Variants in RARS2 observed in about 807,000 individuals in gnomAD.
RARS2 encodes arginyl-tRNA synthetase 2, mitochondrial.
A neutral mutation model predicts 88.5 loss-of-function variants in RARS2; 67 were observed. That is an observed-to-expected ratio of 0.76 (90% CI 0.62 to 0.93). The LOEUF is 0.93. Among genes scored for constraint, RARS2 ranks in the 40% least tolerant of loss-of-function variants. The probability of loss-of-function intolerance (pLI) is 0.00; values close to 1 mark genes in which losing one functional copy is unlikely to be tolerated. For missense variants in RARS2, 664 were observed against 684.2 expected, an observed-to-expected ratio of 0.97 and a Z score of 0.33; for synonymous variants, 239 against 230.3, an observed-to-expected ratio of 1.04 and a Z score of -0.34.
At chr6:87,555,100 A>AAAATAAATAAATAAATAAATAAAT in intron 5 of RARS2, among the ~76,000 whole-genome samples, 1 of 139,580 alleles carries the variant, frequency 7.2e-6, no homozygotes, top group South Asian at 2.3e-4. Flanking sequence ...CTCCGTCTCA[A>AAAATAAATAAATAAATAAATAAAT]AAATAAATAA....
chr6:87,520,101 G>A lies in RARS2; in HGVS notation c.1112+79C>T, dbSNP rs1773341840. The A allele has an allele frequency of 3.9e-5, 46 of 1,179,290 alleles. 1 individual carries two copies. The South Asian group carries it at 4.6e-4, about 12-fold the overall frequency. The allele number at this position is 1,179,290 out of a possible 1,614,324, so 73.1% of individuals were successfully genotyped here. ...CTTGAAACAAAGAATTGAAATCTGA[G>A]TGAAAAACTTTAACCACTAGGTACA... On this transcript the variant is annotated intron_variant, in intron 13 of 19. Coordinates refer to ENST00000369536, the MANE Select transcript of RARS2 (RefSeq NM_020320.5).
At chr6:87,551,746 C>T (rs1032008219) in intron 5 of RARS2, among the ~76,000 whole-genome samples, 4 of 152,002 alleles carry the variant, frequency 2.6e-5, no homozygotes, top group African/African-American at 9.7e-5. Flanking sequence ...CTACCCTGAC[C>T]TCCACAATTC....
rs776038353 is a variant in RARS2 at position 87,515,029 on chromosome 6, G to C, written c.1587-9C>G. The stretch of plus-strand genomic sequence containing the variant: ...CCACAGCTGCAAGATGACTGAAACA[G>C]GAAGAGAGAAATCACGATAGTACCA... On this transcript the variant is annotated splice_polypyrimidine_tract_variant and intron_variant, in intron 18 of 19. Transcript: ENST00000369536. 8.7e-6 allele frequency: 14 copies of C among 1,607,968 alleles called. No homozygotes were observed. Among genetic ancestry groups the C allele is most frequent in the Non-Finnish European group, 1.1e-5 (13 of 1,174,428 alleles).
At chr6:87,555,327 G>T in intron 5 of RARS2, 81 bp downstream of exon 5, 2 of 1,051,028 alleles carry the variant, frequency 1.9e-6, no homozygotes, top group African/African-American at 1.6e-5. Context: ...TATTTATTAA[G>T]ACCCCCAAAT....
intron 4 of RARS2, among the ~76,000 whole-genome samples, chr6:87,561,558 C>A (rs1787868850): frequency 6.6e-6 from 1 of 152,152 alleles, no homozygotes; most frequent in Non-Finnish European, 1.5e-5. Flanking sequence ...GCCTCAGTTT[C>A]CTCCTTTTAG....
rs187815721 is a variant in RARS2 at position 87,518,632 on chromosome 6, G to A, written c.1413C>T (p.His471=). 6.2e-7 allele frequency: 1 copy of A among 1,610,938 alleles called. No homozygotes were observed. Among genetic ancestry groups the A allele is most frequent in the Non-Finnish European group, 8.5e-7 (1 of 1,177,298 alleles). Residue 471 remains histidine (H), a splice_region_variant and synonymous_variant, in exon 16 of 20, where the codon CAC becomes CAT. Coordinates refer to ENST00000369536, the MANE Select transcript of RARS2 (RefSeq NM_020320.5). The part of the protein sequence containing the change: ...VFLQYTHARL[H]SLEETFGCGY... ...GTTTCCCTGCAGCCTCTTCTCACCTGTGGAGGCGGGCGTGTGTGTACTGTA... is the reference window on the plus strand; with the variant it reads ...GTTTCCCTGCAGCCTCTTCTCACCTATGGAGGCGGGCGTGTGTGTACTGTA...
chr6:87,536,773 T>G (rs1779309569), intron 8 of RARS2, among the ~76,000 whole-genome samples: 1 of 152,160 alleles, frequency 6.6e-6, no homozygotes, highest in African/African-American at 2.4e-5. Context: ...AAAAATATAT[T>G]AGTTATTTAA....
At chr6:87,548,706 T>C (rs1171199535) in intron 5 of RARS2, 60 bp from the exon 6 acceptor site, 9 of 1,474,280 alleles carry the variant, frequency 6.1e-6, no homozygotes, top group African/African-American at 5.5e-5. Context: ...AAGAATCAAC[T>C]AGGTCATGCC....
In RARS2 at chr6:87,521,566, C is replaced by A. The variant is rs1185857426; in HGVS notation, c.975-42G>T. On this transcript the variant is annotated intron_variant, in intron 11 of 19. Transcript: ENST00000369536. ...ATAAACCAAGAGTTACTAAGCAGAT[C>A]CGGGTAATAATTGGTCTTACCTATT... The A allele has an allele frequency of 3.3e-6, 5 of 1,509,144 alleles. No individual in the cohort carries two copies. In the Admixed American group the frequency reaches 5.0e-5, roughly 15 times the overall value. The allele number at this position is 1,509,144 out of a possible 1,614,324, so 93.5% of individuals were successfully genotyped here. A position where few individuals can be genotyped will look rare whatever the true frequency, so the allele number is the denominator to read the frequency against.
intron 1 of RARS2, among the ~76,000 whole-genome samples, chr6:87,575,989 AG>A (rs1771372799): frequency 6.6e-6 from 1 of 151,762 alleles, no homozygotes. Context: ...TAGCAGAGAC[AG>A]GGTTTCACCA....
At chr6:87,543,704 TTACTGA>T (rs1341203004) in intron 7 of RARS2, among the ~76,000 whole-genome samples, 4 of 152,268 alleles carry the variant, frequency 2.6e-5, no homozygotes, top group African/African-American at 9.6e-5. Flanking sequence ...CTAAAGGGCT[TTACTGA>T]TACACATTTT....
intron 1 of RARS2, among the ~76,000 whole-genome samples, chr6:87,573,304 T>C (rs551706105): frequency 2.2e-4 from 33 of 152,120 alleles, no homozygotes; most frequent in Non-Finnish European, 3.5e-4. Context: ...GTGAGAATTC[T>C]ATCACCGAGG....
At chr6:87,515,335 C>T (rs1417926192) in intron 18 of RARS2, among the ~76,000 whole-genome samples, 1 of 152,112 alleles carries the variant, frequency 6.6e-6, no homozygotes, top group East Asian at 1.9e-4. Flanking sequence ...TCCTGGCTAA[C>T]ATGGTGAAAC....
intron 4 of RARS2, among the ~76,000 whole-genome samples, chr6:87,555,723 T>C (rs1483590878): frequency 1.3e-5 from 2 of 152,196 alleles, no homozygotes; most frequent in East Asian, 3.8e-4. Context: ...TCTGTGCCCT[T>C]TTATACTCCA....
At chr6:87,518,420 T>G in intron 16 of RARS2, 156 bp from the exon 17 acceptor site, 1 of 1,476,254 alleles carries the variant, frequency 6.8e-7, no homozygotes, top group Non-Finnish European at 9.1e-7. Flanking sequence ...GACAGGGTTA[T>G]TCTGAGGACT....
intron 4 of RARS2, among the ~76,000 whole-genome samples, chr6:87,557,822 C>G (rs1167294706): frequency 6.6e-6 from 1 of 152,148 alleles, no homozygotes; most frequent in Admixed American, 6.5e-5. Flanking sequence ...CTCTGTGCTC[C>G]ATTCTTGCTT....
intron 5 of RARS2, among the ~76,000 whole-genome samples, chr6:87,552,330 T>C (rs1784585470): frequency 6.6e-6 from 1 of 152,170 alleles, no homozygotes; most frequent in Non-Finnish European, 1.5e-5. Flanking sequence ...CCTACCTATT[T>C]TGTCTCTACT....
At chr6:87,524,087 A>G (rs765325489) in intron 11 of RARS2, among the ~76,000 whole-genome samples, 5 of 152,240 alleles carry the variant, frequency 3.3e-5, no homozygotes, top group African/African-American at 4.8e-5. Flanking sequence ...GTGACCTAAT[A>G]TAAAATTCTG....
intron 8 of RARS2, among the ~76,000 whole-genome samples, chr6:87,533,466 T>C (rs551647920): frequency 6.6e-6 from 1 of 152,294 alleles, no homozygotes; most frequent in East Asian, 1.9e-4. Flanking sequence ...AAAGTACGCA[T>C]TTTGAAGATA....
Sources: gnomAD v4.1 joint callset for allele counts (sites outside exome capture counted in the v4.1 genomes callset) on GRCh38, gnomAD v4.1.1 for gene constraint, MANE v1.5 for transcripts, NCBI Gene and HGNC (gene_info 2026-07-23, HGNC 2026-07-21) for gene names.